Variants in STAU2 observed in about 807,000 individuals in gnomAD.
The protein encoded by STAU2 is staufen double-stranded RNA binding protein 2, also known as double-stranded RNA-binding protein Staufen homolog 2.
STAU2 carries 20 observed loss-of-function variants against 65.9 expected under a neutral mutation model. The observed-to-expected ratio is 0.30, with a 90% CI of 0.21 to 0.44. The LOEUF (loss-of-function observed/expected upper bound fraction) is 0.44, where lower values mean the gene tolerates loss of function less well. STAU2 is among the 20% of genes least tolerant of loss of function. STAU2 has a pLI of 1.00. For missense variants in STAU2, 558 were observed against 683.9 expected (o/e 0.82, Z 2.05); for synonymous variants, 232 against 233.9 (o/e 0.99, Z 0.07).
At chr8:73,543,624 C>T (rs1053741930) in intron 13 of STAU2, among the ~76,000 whole-genome samples, 2 of 152,160 alleles carry the variant, frequency 1.3e-5, no homozygotes, top group African/African-American at 4.8e-5. Flanking sequence ...CCAAACCCTC[C>T]CCTCTTCCAC....
At chr8:73,501,833 A>C (rs1184408339) in intron 13 of STAU2, among the ~76,000 whole-genome samples, 1 of 152,006 alleles carries the variant, frequency 6.6e-6, no homozygotes, top group Non-Finnish European at 1.5e-5. Context: ...CCAAAATATA[A>C]ATGTAAATTA....
intron 6 of STAU2, among the ~76,000 whole-genome samples, chr8:73,619,443 A>G (rs1813068179): frequency 1.3e-5 from 2 of 152,238 alleles, no homozygotes; most frequent in Non-Finnish European, 1.5e-5. Flanking sequence ...AAGAAGTCCA[A>G]TTGAGGTCCT....
upstream of STAU2, chr8:73,746,859 C>CT (rs1342328032): frequency 6.6e-6 from 8 of 1,210,680 alleles, no homozygotes; most frequent in Non-Finnish European, 8.2e-6. Flanking sequence ...TCGGCCGCCG[C>CT]CGGCTTCCAC....
intron 13 of STAU2, among the ~76,000 whole-genome samples, chr8:73,471,522 T>TTA (rs1554594348): frequency 2.9e-5 from 4 of 136,310 alleles, no homozygotes; most frequent in Non-Finnish European, 4.7e-5. Context: ...CTTCTGTAAT[T>TTA]AAAAAAAAAA....
At chr8:73,537,363 T>C (rs954177044) in intron 13 of STAU2, among the ~76,000 whole-genome samples, 1 of 152,120 alleles carries the variant, frequency 6.6e-6, no homozygotes, top group East Asian at 1.9e-4. Context: ...TGGTAAAAGA[T>C]AAACCTATAC....
intron 13 of STAU2, among the ~76,000 whole-genome samples, chr8:73,508,673 C>G (rs575745884): frequency 6.6e-5 from 10 of 152,270 alleles, no homozygotes; most frequent in South Asian, 6.2e-4. Flanking sequence ...AATGCACTTT[C>G]TGCAAAGCAC....
chr8:73,479,305 T>G (rs908804328), intron 13 of STAU2, among the ~76,000 whole-genome samples: 9 of 152,130 alleles, frequency 5.9e-5, no homozygotes, highest in African/African-American at 2.2e-4. Flanking sequence ...TGTCTGAATT[T>G]TAGATACTGA....
chr8:73,589,442 C>A (rs1810610199), intron 11 of STAU2, among the ~76,000 whole-genome samples: 1 of 152,146 alleles, frequency 6.6e-6, no homozygotes, highest in Non-Finnish European at 1.5e-5. Flanking sequence ...TATTTTACAA[C>A]ACCTATGATT....
chr8:73,503,641 T>C (rs1430193185), intron 13 of STAU2, among the ~76,000 whole-genome samples: 1 of 152,088 alleles, frequency 6.6e-6, no homozygotes, highest in Non-Finnish European at 1.5e-5. Context: ...AGCTGCTTTT[T>C]AAAATTAGAA....
At chr8:73,550,964 T>C (rs1232119290) in intron 13 of STAU2, 24 of 985,258 alleles carry the variant, frequency 2.4e-5, no homozygotes, top group Non-Finnish European at 2.9e-5. Context: ...TTCTACACAA[T>C]ACAGATCTTC....
At chr8:73,505,987 C>A (rs982123347) in intron 13 of STAU2, among the ~76,000 whole-genome samples, 3 of 152,194 alleles carry the variant, frequency 2.0e-5, no homozygotes, top group Admixed American at 6.5e-5. Context: ...CACGCCTGCT[C>A]CCACTTAGCC....
chr8:73,679,186 C>T (rs1818220746), intron 5 of STAU2, among the ~76,000 whole-genome samples: 1 of 152,068 alleles, frequency 6.6e-6, no homozygotes, highest in African/African-American at 2.4e-5. Context: ...TCAATTAATA[C>T]ACTATGTCCA....
At chr8:73,534,150 C>G (rs1806025374) in intron 13 of STAU2, among the ~76,000 whole-genome samples, 1 of 152,196 alleles carries the variant, frequency 6.6e-6, no homozygotes, top group Admixed American at 6.5e-5. Context: ...GTTGACTTCA[C>G]AGCAGTAGGT....
In STAU2 at chr8:73,595,261, G is replaced by C; in HGVS notation, c.1066C>G (p.Pro356Ala). The change falls in exon 11 of 15, where the codon CCT (proline) becomes GCT (alanine). Residue 356 changes from proline to alanine, a missense_variant. This residue lies in a region of STAU2 where 247 missense variants were observed against 270.1 expected (regional missense o/e 0.91). Transcript: ENST00000524300. ...VGNEVATGTG[P>A]NKKIAKKNAA... ...TTTTTTTTGGCTATCTTTTTATTAG[G>C]TCCTGTTCCTGTAGCAACTTCATTG... The C allele has an allele frequency of 6.2e-7, 1 of 1,610,610 alleles. No homozygotes were observed. Among genetic ancestry groups the C allele is most frequent in the Non-Finnish European group, 8.5e-7 (1 of 1,178,676 alleles).
At chr8:73,513,332 T>G (rs1483549059) in intron 13 of STAU2, among the ~76,000 whole-genome samples, 1 of 152,184 alleles carries the variant, frequency 6.6e-6, no homozygotes, top group Non-Finnish European at 1.5e-5. Flanking sequence ...CACTCCCATG[T>G]CTGCATAGCT....
At chr8:73,739,977 G>C (rs993517778) in intron 1 of STAU2, 109 bp from the exon 2 acceptor site, 5 of 625,962 alleles carry the variant, frequency 8.0e-6, no homozygotes, top group African/African-American at 5.5e-5. Context: ...GGAGGCAGAT[G>C]CCAAACTGTG....
chr8:73,496,096 G>C (rs1248383488), intron 13 of STAU2, among the ~76,000 whole-genome samples: 4 of 151,386 alleles, frequency 2.6e-5, no homozygotes, highest in African/African-American at 9.7e-5. Flanking sequence ...CACTTAAATA[G>C]AGAGATGAGG....
intron 13 of STAU2, among the ~76,000 whole-genome samples, chr8:73,535,396 C>T (rs2128935065): frequency 6.6e-6 from 1 of 152,270 alleles, no homozygotes; most frequent in Non-Finnish European, 1.5e-5. Context: ...GTCTCGATCT[C>T]CTGACCTCGT....
chr8:73,439,790 T>C (rs1490053368), intron 13 of STAU2: 2 of 152,290 alleles, frequency 1.3e-5, no homozygotes, highest in Non-Finnish European at 2.9e-5. Context: ...TCATTCGCAG[T>C]TAAAGACGAG....
Sources: allele counts gnomAD v4.1 joint callset (sites outside exome capture counted in the v4.1 genomes callset), GRCh38; gene constraint gnomAD v4.1.1; regional missense constraint gnomAD v4.1.1; transcripts MANE v1.5; gene names NCBI Gene and HGNC (gene_info 2026-07-23, HGNC 2026-07-21).